The following ARHGAP12 variants were observed in gnomAD, a reference collection of about 807,000 sequenced individuals.
The protein encoded by ARHGAP12 is Rho GTPase activating protein 12, also known as rho GTPase-activating protein 12.
In ARHGAP12, 64 loss-of-function variants were observed where a neutral mutation model predicts 108.6. The observed-to-expected ratio is 0.59, with a 90% CI of 0.48 to 0.73. The LOEUF is 0.73. Ranked by LOEUF, ARHGAP12 falls within the 30% of genes least tolerant of loss-of-function variation. The pLI is 0.00. For synonymous variants in ARHGAP12, 312 were observed against 337.2 expected (o/e 0.93, Z 0.82); for missense variants, 940 against 1,005.9 (o/e 0.93, Z 0.89).
At position 31,913,775 on chromosome 10, in the gene ARHGAP12, G is replaced by GCTT. The variant is rs112598142; in HGVS notation, c.-110-3213_-110-3212insAAG. 8.2e-5 allele frequency: 12 copies of GCTT among 146,658 alleles called. 1 individual carries two copies. The highest frequency in any genetic ancestry group is 5.9e-5 in the Non-Finnish European group (4 of 67,324). 9.1% of individuals were successfully genotyped at this position (146,658 alleles called of 1,614,324 possible). Reference sequence around the variant, plus strand: ...ATGACAAATCAGTTGGTTCTAGCAGGGTTTTTTTTTTTTTTGAAGAAAGAA... The same window carrying GCTT: ...ATGACAAATCAGTTGGTTCTAGCAGGCTTGTTTTTTTTTTTTTTGAAGAAAGAA... On this transcript the variant is annotated intron_variant, in intron 1 of 19. Coordinates refer to ENST00000344936, the MANE Select transcript of ARHGAP12 (RefSeq NM_018287.7).
chr10:31,920,975 G>A (rs965921572), intron 1 of ARHGAP12, among the ~76,000 whole-genome samples: 1 of 152,132 alleles, frequency 6.6e-6, no homozygotes, highest in African/African-American at 2.4e-5. Context: ...AAATGAGTCA[G>A]GAGTCAAAAG....
At chr10:31,840,569 T>C (rs1481404142) in intron 7 of ARHGAP12, among the ~76,000 whole-genome samples, 4 of 152,134 alleles carry the variant, frequency 2.6e-5, no homozygotes, top group Non-Finnish European at 5.9e-5. Flanking sequence ...TACCTATTAT[T>C]AATTTGTTTC....
chr10:31,896,069 T>C (rs1838676232), intron 3 of ARHGAP12, among the ~76,000 whole-genome samples: 1 of 150,810 alleles, frequency 6.6e-6, no homozygotes, highest in Non-Finnish European at 1.5e-5. Context: ...AAGGGGAACA[T>C]CACACACCGG....
At chr10:31,813,619 T>C (rs539985787) in intron 14 of ARHGAP12, among the ~76,000 whole-genome samples, 21 of 139,892 alleles carry the variant, frequency 1.5e-4, no homozygotes, top group African/African-American at 5.6e-4. Flanking sequence ...TCAGTTAATA[T>C]GAAGGCCAAA....
intron 10 of ARHGAP12, chr10:31,827,007 A>C (rs2132187739): frequency 6.6e-6 from 1 of 152,360 alleles, no homozygotes; most frequent in East Asian, 1.9e-4. Context: ...AGGAAAGGGA[A>C]TCCCATTTCT....
chr10:31,882,460 TTA>T (rs1838009920), intron 3 of ARHGAP12, among the ~76,000 whole-genome samples: 1 of 152,152 alleles, frequency 6.6e-6, no homozygotes, highest in African/African-American at 2.4e-5. Context: ...CAATAAACTT[TTA>T]TGTTACTTTG....
chr10:31,837,356 T>C (rs1411771884), intron 9 of ARHGAP12, among the ~76,000 whole-genome samples: 1 of 152,226 alleles, frequency 6.6e-6, no homozygotes, highest in Non-Finnish European at 1.5e-5. Flanking sequence ...ATGTACCCAG[T>C]ACTGTGCAAA....
At chr10:31,920,998 T>C (rs921496842) in intron 1 of ARHGAP12, among the ~76,000 whole-genome samples, 1 of 152,166 alleles carries the variant, frequency 6.6e-6, no homozygotes, top group African/African-American at 2.4e-5. Flanking sequence ...AAAATCAGGC[T>C]GGACAAGGTG....
chr10:31,900,823 A>C (rs531590048), intron 3 of ARHGAP12, among the ~76,000 whole-genome samples: 6 of 145,858 alleles, frequency 4.1e-5, no homozygotes, highest in African/African-American at 1.5e-4. Context: ...ATGAACCCCA[A>C]TGTATGCAAA....
chr10:31,925,325 A>C (rs1026536173), intron 1 of ARHGAP12, among the ~76,000 whole-genome samples: 3 of 152,238 alleles, frequency 2.0e-5, no homozygotes, highest in Non-Finnish European at 4.4e-5. Flanking sequence ...CAATGGAATA[A>C]TCTGAAGAAC....
chr10:31,861,781 T>C (rs1390147192), intron 3 of ARHGAP12, 123 bp from the exon 4 acceptor site: 5 of 857,644 alleles, frequency 5.8e-6, no homozygotes, highest in Non-Finnish European at 8.5e-6. Context: ...CAGGTGAATA[T>C]ATTCTGAGGA....
At chr10:31,826,088 A>C (rs570747703) in intron 11 of ARHGAP12, among the ~76,000 whole-genome samples, 1 of 152,260 alleles carries the variant, frequency 6.6e-6, no homozygotes, top group African/African-American at 2.4e-5. Flanking sequence ...GATAAAACAG[A>C]ATCTGTTGAT....
chr10:31,821,020 C>A (rs1835396698), intron 11 of ARHGAP12, among the ~76,000 whole-genome samples: 1 of 152,042 alleles, frequency 6.6e-6, no homozygotes, highest in Non-Finnish European at 1.5e-5. Flanking sequence ...TAAACAGTAT[C>A]AGGTAGATAA....
chr10:31,908,627 G>A lies in ARHGAP12; in HGVS notation c.229C>T (p.Leu77Phe). 1 of 1,614,214 alleles carries A rather than the reference G, an allele frequency of 6.2e-7. No homozygotes were observed. Among genetic ancestry groups the A allele is most frequent in the Non-Finnish European group, 8.5e-7 (1 of 1,180,038 alleles). Residue 77 changes from leucine (L) to phenylalanine (F), a missense_variant, in exon 3 of 20, where the codon CTC (leucine) becomes TTC (phenylalanine). Leu to Phe is a conservative substitution (Grantham distance 22, BLOSUM62 0). Transcript: ENST00000344936. ...GCTACCTGCTTAACAGGTGGCATGA[G>A]AGCTTTGCGCGTGACCTCCTTCACA... Reference protein sequence around the residue: ...QYVKEVTRKALMPPVKQVAGL... With the variant: ...QYVKEVTRKAFMPPVKQVAGL...
rs569608764 is a variant in ARHGAP12 at position 31,908,274 on chromosome 10, G to T, written c.582C>A (p.Ser194=). ...CTGCGGAATCACAAGATTGTTCCTGGGAGAAGCTAGTTTTCTCTACATCCA... is the reference window on the plus strand; with the variant it reads ...CTGCGGAATCACAAGATTGTTCCTGTGAGAAGCTAGTTTTCTCTACATCCA... ...EFLDVEKTSF[S]QEQSCDSAGE... The change falls in exon 3 of 20, where the codon TCC becomes TCA. Residue 194 remains serine, a synonymous_variant. Coordinates refer to ENST00000344936, the MANE Select transcript of ARHGAP12 (RefSeq NM_018287.7). 1 of 1,613,862 alleles carries T rather than the reference G, an allele frequency of 6.2e-7. No homozygotes were observed. Among genetic ancestry groups the T allele is most frequent in the African/African-American group, 1.3e-5 (1 of 74,910 alleles).
intron 3 of ARHGAP12, among the ~76,000 whole-genome samples, chr10:31,865,331 C>G (rs1837283115): frequency 6.6e-6 from 1 of 151,950 alleles, no homozygotes; most frequent in African/African-American, 2.4e-5. Context: ...GAAGCAGGGA[C>G]AGATTCAAGA....
intron 3 of ARHGAP12, among the ~76,000 whole-genome samples, chr10:31,879,481 GA>G (rs1464079216): frequency 2.0e-5 from 3 of 152,112 alleles, no homozygotes; most frequent in Non-Finnish European, 4.4e-5. Flanking sequence ...CTTTAAAAAT[GA>G]AAAAATTTAT....
chr10:31,873,989 C>T (rs993866042), intron 3 of ARHGAP12, among the ~76,000 whole-genome samples: 1 of 152,154 alleles, frequency 6.6e-6, no homozygotes, highest in Admixed American at 6.5e-5. Context: ...TGAATGGTAA[C>T]TCTATCATCA....
At chr10:31,924,530 T>C (rs1447218314) in intron 1 of ARHGAP12, among the ~76,000 whole-genome samples, 1 of 152,226 alleles carries the variant, frequency 6.6e-6, no homozygotes, top group Non-Finnish European at 1.5e-5. Context: ...CTTAGATTAA[T>C]GCTTTTGAGA....
Sources: allele counts gnomAD v4.1 joint callset (sites outside exome capture counted in the v4.1 genomes callset), GRCh38; gene constraint gnomAD v4.1.1; transcripts MANE v1.5; gene names NCBI Gene and HGNC (gene_info 2026-07-23, HGNC 2026-07-21).